The following MRE11 variants were observed in gnomAD, a reference collection of about 807,000 sequenced individuals.
MRE11 encodes the protein double-strand break repair protein MRE11.
In MRE11, 62 loss-of-function variants were observed where a neutral mutation model predicts 91.7. The ratio of observed to expected loss-of-function variants is 0.68; its 90% CI spans 0.55 to 0.84. The LOEUF (loss-of-function observed/expected upper bound fraction) is 0.84, where lower values mean the gene tolerates loss of function less well. MRE11 is among the 40% of genes least tolerant of loss of function. MRE11 has a pLI of 0.00. For synonymous variants in MRE11, 273 were observed against 271.4 expected, an observed-to-expected ratio of 1.01 and a Z score of -0.06; for missense variants, 796 against 852.9, an observed-to-expected ratio of 0.93 and a Z score of 0.83.
At chr11:94,469,230 G>C (rs926096292) in intron 9 of MRE11, among the ~76,000 whole-genome samples, 4 of 152,066 alleles carry the variant, frequency 2.6e-5, no homozygotes, top group Admixed American at 2.6e-4. Context: ...CTCAACCAGA[G>C]GTGACTTTGC....
At chr11:94,452,789 A>C (rs1475808051) in intron 14 of MRE11, among the ~76,000 whole-genome samples, 1 of 152,230 alleles carries the variant, frequency 6.6e-6, no homozygotes, top group Non-Finnish European at 1.5e-5. Flanking sequence ...TGAGATTTGA[A>C]AACATACTAT....
intron 18 of MRE11, among the ~76,000 whole-genome samples, chr11:94,433,888 C>T (rs1348382593): frequency 6.6e-6 from 1 of 152,202 alleles, no homozygotes; most frequent in Non-Finnish European, 1.5e-5. Flanking sequence ...AAAATTTCCG[C>T]TTAAATGTAG....
At chr11:94,425,002 C>A (rs1014919116) in intron 19 of MRE11, among the ~76,000 whole-genome samples, 4 of 152,048 alleles carry the variant, frequency 2.6e-5, no homozygotes, top group Admixed American at 2.6e-4. Flanking sequence ...ACAGAGAATT[C>A]CTATCAGACA....
intron 14 of MRE11, among the ~76,000 whole-genome samples, chr11:94,452,453 T>C (rs1199221759): frequency 1.3e-5 from 2 of 152,112 alleles, no homozygotes; most frequent in African/African-American, 2.4e-5. Context: ...CACTCCCAAA[T>C]ACTAATGGTG....
At chr11:94,498,200 C>A (rs1947445218), upstream of MRE11, 7 of 1,614,166 alleles carry the variant, frequency 4.3e-6, no homozygotes, top group East Asian at 1.6e-4. Flanking sequence ...GCTCATTGCA[C>A]AGGGGGCCGA....
chr11:94,433,910 G>C (rs1380263346), intron 18 of MRE11, among the ~76,000 whole-genome samples: 2 of 152,084 alleles, frequency 1.3e-5, no homozygotes, highest in East Asian at 3.9e-4. Flanking sequence ...TTCCTCAGAG[G>C]CTTTCCATGA....
chr11:94,463,945 T>C (rs1946489342), intron 11 of MRE11, among the ~76,000 whole-genome samples, 168 bp downstream of exon 11: 1 of 152,112 alleles, frequency 6.6e-6, no homozygotes, highest in Non-Finnish European at 1.5e-5. Context: ...ATAAAAAAGA[T>C]TGCTATCTAA....
upstream of MRE11, chr11:94,497,286 AATC>A (rs1230942618): frequency 4.3e-6 from 2 of 467,912 alleles, no homozygotes; most frequent in Non-Finnish European, 7.5e-6. Flanking sequence ...TATTTTATTT[AATC>A]ATCATGTATC....
Position 94,467,869 on chromosome 11 carries a change from C to T in MRE11, c.1042G>A (p.Glu348Lys), listed in dbSNP as rs1946607774. Residue 348 changes from glutamate (E) to lysine (K), a missense_variant, in exon 10 of 20, where the codon GAA becomes AAA. Physicochemically the swap from Glu to Lys is moderately conservative, Grantham distance 56 (BLOSUM62 1). Coordinates refer to ENST00000323929, the MANE Select transcript of MRE11 (RefSeq NM_005591.4). ...EKIEEMLENAERERLGNSHQP... is the reference protein window; with the variant it reads ...EKIEEMLENAKRERLGNSHQP... The stretch of plus-strand genomic sequence containing the variant: ...TGAGAATTACCCAGACGTTCCCGTT[C>T]AGCATTTTCAAGCATTTCTTCAATC... The T allele has an allele frequency of 6.2e-7, 1 of 1,613,664 alleles. No homozygotes were observed. Among genetic ancestry groups the T allele is most frequent in the African/African-American group, 1.3e-5 (1 of 75,010 alleles).
intron 14 of MRE11, among the ~76,000 whole-genome samples, chr11:94,452,784 T>G (rs2134948665): frequency 6.6e-6 from 1 of 152,352 alleles, no homozygotes; most frequent in South Asian, 2.1e-4. Context: ...TTTTGTGAGA[T>G]TTGAAAACAT....
At chr11:94,483,562 G>A (rs1233072218) in intron 4 of MRE11, among the ~76,000 whole-genome samples, 1 of 152,176 alleles carries the variant, frequency 6.6e-6, no homozygotes, top group Non-Finnish European at 1.5e-5. Flanking sequence ...CATGTAAGAC[G>A]TGACTTGCTC....
intron 6 of MRE11, among the ~76,000 whole-genome samples, 182 bp from the exon 7 acceptor site, chr11:94,476,585 T>A (rs1192608151): frequency 1.3e-5 from 2 of 152,072 alleles, no homozygotes; most frequent in African/African-American, 4.8e-5. Flanking sequence ...CTTTTTTTTT[T>A]AACTGAGACA....
At chr11:94,441,488 G>A (rs1251439594) in intron 16 of MRE11, among the ~76,000 whole-genome samples, 2 of 152,058 alleles carry the variant, frequency 1.3e-5, no homozygotes, top group East Asian at 1.9e-4. Context: ...AACAAAGCAT[G>A]GAAGGAAATA....
intron 12 of MRE11, 133 bp from the exon 13 acceptor site, chr11:94,459,714 T>C (rs1946364750): frequency 2.0e-6 from 2 of 988,856 alleles, no homozygotes; most frequent in East Asian, 5.2e-5. Context: ...AGCCTACTAA[T>C]ATCAGGAACC....
At chr11:94,460,376 CA>C (rs1416253719) in intron 12 of MRE11, among the ~76,000 whole-genome samples, 1 of 152,218 alleles carries the variant, frequency 6.6e-6, no homozygotes, top group Non-Finnish European at 1.5e-5. Context: ...ACGTAAGTTT[CA>C]GTGGCTTCAC....
chr11:94,464,136 T>C lies in MRE11; in HGVS notation c.1202A>G (p.His401Arg), dbSNP rs146779325. The C allele has an allele frequency of 1.8e-5, 29 of 1,613,794 alleles. No individual in the cohort carries two copies. The highest frequency in any genetic ancestry group is 2.3e-5 in the Non-Finnish European group (27 of 1,179,890). The change falls in exon 11 of 20, where the codon CAT becomes CGT. Residue 401 changes from histidine (H) to arginine (R), a missense_variant. By Grantham distance (29) the His-to-Arg change is conservative. Transcript: ENST00000323929. ...ACCTGTTTTTTCCTTTTGTTCTCTA[T>C]GCCTGAAAAAATGGATAATGTCTTT... is the stretch of plus-strand genomic sequence containing the variant. Reference protein sequence around the residue: ...NPKDIIHFFRHREQKEKTGEE... With the variant: ...NPKDIIHFFRRREQKEKTGEE...
chr11:94,478,758 G>C lies in MRE11; in HGVS notation c.521C>G (p.Thr174Arg). ...ISPVLLQKGS[T>R]KIALYGLGSI... is the part of the protein sequence containing the mutation. Reference sequence around the variant, plus strand: ...ACCTAAACCATATAGCGCAATCTTTGTGCTTCCTTTTTGAAGCAAAACCGG... The same window carrying C: ...ACCTAAACCATATAGCGCAATCTTTCTGCTTCCTTTTTGAAGCAAAACCGG... Residue 174 changes from threonine (T) to arginine (R), a missense_variant, in exon 6 of 20, where the codon ACA (threonine) becomes AGA (arginine). By Grantham distance (71) the Thr-to-Arg change is moderately conservative. Transcript: ENST00000323929. 3 of 1,612,942 alleles carry C rather than the reference G, an allele frequency of 1.9e-6. No homozygotes were observed. The highest frequency in any genetic ancestry group is 2.5e-6 in the Non-Finnish European group (3 of 1,179,836).
At chr11:94,469,331 C>G (rs1038311888) in intron 9 of MRE11, among the ~76,000 whole-genome samples, 9 of 152,108 alleles carry the variant, frequency 5.9e-5, no homozygotes, top group African/African-American at 2.2e-4. Flanking sequence ...GGGTACAAAC[C>G]AGGGAGAATA....
chr11:94,473,798 A>G (rs1946777850), intron 7 of MRE11, among the ~76,000 whole-genome samples: 1 of 152,188 alleles, frequency 6.6e-6, no homozygotes, highest in African/African-American at 2.4e-5. Context: ...TGAGTTAGCA[A>G]TTTTGAAATT....
Sources: allele counts gnomAD v4.1 joint callset (sites outside exome capture counted in the v4.1 genomes callset), GRCh38; gene constraint gnomAD v4.1.1; transcripts MANE v1.5; gene names NCBI Gene and HGNC (gene_info 2026-07-23, HGNC 2026-07-21).